The following CCSER1 variants were observed in gnomAD, a reference collection of about 807,000 sequenced individuals.
The protein encoded by CCSER1 is coiled-coil serine rich protein 1.
Under a neutral mutation model 82.0 loss-of-function variants are expected in CCSER1, and 41 were observed. That is an observed-to-expected ratio of 0.50 (90% CI 0.39 to 0.65). CCSER1 has a LOEUF of 0.65. Ranked by LOEUF, CCSER1 falls within the 30% of genes least tolerant of loss-of-function variation. The pLI is 0.00. For synonymous variants in CCSER1, 414 were observed against 383.9 expected, an observed-to-expected ratio of 1.08 and a Z score of -0.92; for missense variants, 1,119 against 1,064.2, an observed-to-expected ratio of 1.05 and a Z score of -0.72.
At chr4:90,822,505 A>G (rs1412602645) in intron 8 of CCSER1, among the ~76,000 whole-genome samples, 3 of 152,102 alleles carry the variant, frequency 2.0e-5, no homozygotes, top group East Asian at 1.9e-4. Flanking sequence ...AAGGCGGGCG[A>G]ATCACGAGGT....
At chr4:90,691,500 G>A (rs554601713) in intron 6 of CCSER1, among the ~76,000 whole-genome samples, 6 of 151,422 alleles carry the variant, frequency 4.0e-5, no homozygotes, top group East Asian at 1.9e-4. Flanking sequence ...GTATATAAAC[G>A]TGTGTATATA....
intron 3 of CCSER1, among the ~76,000 whole-genome samples, chr4:90,333,402 C>G (rs1739713259): frequency 6.6e-6 from 1 of 151,926 alleles, no homozygotes; most frequent in Non-Finnish European, 1.5e-5. Flanking sequence ...AACAGAATTT[C>G]TCAGAAACAA....
intron 3 of CCSER1, among the ~76,000 whole-genome samples, chr4:90,381,054 A>G (rs748588545): frequency 6.6e-6 from 1 of 152,222 alleles, no homozygotes; most frequent in Non-Finnish European, 1.5e-5. Flanking sequence ...AAAATCTTCA[A>G]TGAATGTAGC....
intron 9 of CCSER1, among the ~76,000 whole-genome samples, chr4:90,981,588 C>A (rs1581254984): frequency 6.6e-6 from 1 of 151,842 alleles, no homozygotes; most frequent in East Asian, 1.9e-4. Flanking sequence ...TACTCATGAA[C>A]TCCAAAGACC....
chr4:91,272,895 G>T (rs565786631), intron 10 of CCSER1, among the ~76,000 whole-genome samples: 5 of 151,966 alleles, frequency 3.3e-5, no homozygotes, highest in Admixed American at 3.3e-4. Context: ...GTCAAGGATT[G>T]GTTGGCTGTA....
chr4:91,348,734 A>T (rs1018722885), intron 10 of CCSER1, among the ~76,000 whole-genome samples: 2 of 152,170 alleles, frequency 1.3e-5, no homozygotes, highest in African/African-American at 4.8e-5. Flanking sequence ...ATGTGTGGGC[A>T]CATAGTTGTT....
chr4:90,336,850 C>A (rs1267576571), intron 3 of CCSER1, among the ~76,000 whole-genome samples: 4 of 152,120 alleles, frequency 2.6e-5, no homozygotes, highest in Admixed American at 2.6e-4. Context: ...TACTCAATAG[C>A]AAATCCTTCT....
chr4:91,319,594 A>G, intron 10 of CCSER1: 1 of 450,456 alleles, frequency 2.2e-6, no homozygotes, highest in Non-Finnish European at 4.4e-6. Flanking sequence ...ACAAAGAAGC[A>G]ATAGTTGGTG....
intron 5 of CCSER1, among the ~76,000 whole-genome samples, chr4:90,556,094 G>T (rs2153644687): frequency 6.6e-6 from 1 of 152,136 alleles, no homozygotes; most frequent in Admixed American, 6.5e-5. Flanking sequence ...GGAAAAAAAA[G>T]TGTTTTGCTA....
At chr4:90,956,547 A>G (rs1733451595) in intron 9 of CCSER1, among the ~76,000 whole-genome samples, 1 of 152,188 alleles carries the variant, frequency 6.6e-6, no homozygotes, top group Non-Finnish European at 1.5e-5. Flanking sequence ...CCATTTAATA[A>G]AAGTTGAGAA....
At chr4:91,272,020 C>CA (rs1370886502) in intron 10 of CCSER1, among the ~76,000 whole-genome samples, 3 of 152,184 alleles carry the variant, frequency 2.0e-5, no homozygotes, top group Non-Finnish European at 4.4e-5. Flanking sequence ...GATTGACTGG[C>CA]AGTTGGGTTG....
intron 7 of CCSER1, among the ~76,000 whole-genome samples, chr4:90,794,680 A>G (rs1755743283): frequency 6.6e-6 from 1 of 152,158 alleles, no homozygotes; most frequent in South Asian, 2.1e-4. Context: ...TGAATTTTAA[A>G]ATAGCATTTT....
intron 10 of CCSER1, among the ~76,000 whole-genome samples, chr4:91,388,794 G>T (rs553682839): frequency 2.0e-5 from 3 of 151,368 alleles, no homozygotes; most frequent in East Asian, 2.0e-4. Context: ...TTCTAACTTT[G>T]TTTTTTTTCC....
chr4:91,512,503 G>A (rs931917491), intron 10 of CCSER1, among the ~76,000 whole-genome samples: 8 of 152,102 alleles, frequency 5.3e-5, no homozygotes, highest in Admixed American at 2.0e-4. Flanking sequence ...TTTGGGACTC[G>A]GACTGATCCA....
At chr4:90,459,415 T>C (rs947911130) in intron 4 of CCSER1, among the ~76,000 whole-genome samples, 1 of 152,176 alleles carries the variant, frequency 6.6e-6, no homozygotes, top group Non-Finnish European at 1.5e-5. Flanking sequence ...AAAATGCTCT[T>C]TAAATTAGTT....
At chr4:90,316,870 T>C (rs1736269450) in intron 3 of CCSER1, among the ~76,000 whole-genome samples, 1 of 152,182 alleles carries the variant, frequency 6.6e-6, no homozygotes. Context: ...GAGAACAAAT[T>C]GGGATTGGCT....
chr4:90,141,134 G>A (rs1292215407), intron 1 of CCSER1, among the ~76,000 whole-genome samples: 1 of 151,956 alleles, frequency 6.6e-6, no homozygotes, highest in Non-Finnish European at 1.5e-5. Context: ...AGAACCGACT[G>A]GAAGGCTGGA....
rs1171560558 is a variant in CCSER1 at position 91,602,062 on chromosome 4, A to AAAG, written c.*3007_*3009dup. 1.1e-4 allele frequency: 17 copies of AAAG among 152,104 alleles called. No individual in the cohort carries two copies. The highest frequency in any genetic ancestry group is 3.4e-4 in the African/African-American group (14 of 41,458). The allele number at this position is 152,104 out of a possible 1,614,324, so 9.4% of individuals were successfully genotyped here. ...AACATGAAACTGTTGCTGCAATGCT[A>AAAG]AAGATGTGAATCCACCACTATCAAT... On this transcript the variant is annotated 3_prime_UTR_variant, in exon 11 of 11. Coordinates refer to ENST00000509176, the MANE Select transcript of CCSER1 (RefSeq NM_001145065.2).
At chr4:91,309,637 G>A (rs1225415778) in intron 10 of CCSER1, among the ~76,000 whole-genome samples, 1 of 151,924 alleles carries the variant, frequency 6.6e-6, no homozygotes, top group Non-Finnish European at 1.5e-5. Flanking sequence ...TACATAAAAG[G>A]CTTGCAGCTC....
Sources: gnomAD v4.1 joint callset for allele counts (sites outside exome capture counted in the v4.1 genomes callset) on GRCh38, gnomAD v4.1.1 for gene constraint, MANE v1.5 for transcripts, NCBI Gene and HGNC (gene_info 2026-07-23, HGNC 2026-07-21) for gene names.